TDRD3: variants seen among roughly 807,000 people sequenced by gnomAD.
The protein encoded by TDRD3 is tudor domain containing 3.
A neutral mutation model predicts 86.7 loss-of-function variants in TDRD3; 45 were observed. The observed-to-expected ratio is 0.52, with a 90% CI of 0.41 to 0.67. The LOEUF is 0.67. Ranked by LOEUF, TDRD3 falls within the 30% of genes least tolerant of loss-of-function variation. TDRD3 has a pLI of 0.00. For missense variants in TDRD3, 814 were observed against 889.0 expected (o/e 0.92, Z 1.07); for synonymous variants, 298 against 301.7 (o/e 0.99, Z 0.13).
chr13:60,429,855 G>A (rs1954910318), intron 1 of TDRD3, among the ~76,000 whole-genome samples: 1 of 139,474 alleles, frequency 7.2e-6, no homozygotes, highest in Non-Finnish European at 1.6e-5. Flanking sequence ...TTTCTCATTA[G>A]AATCCAGATT....
intron 6 of TDRD3, chr13:60,484,732 G>C: frequency 2.2e-6 from 1 of 454,656 alleles, no homozygotes; most frequent in Non-Finnish European, 4.4e-6. Flanking sequence ...AAAGTGTGAA[G>C]TCCTATGGTG....
intron 3 of TDRD3, among the ~76,000 whole-genome samples, chr13:60,459,426 T>G (rs2138047522): frequency 6.6e-6 from 1 of 152,352 alleles, no homozygotes; most frequent in East Asian, 1.9e-4. Flanking sequence ...TATCTTTGAT[T>G]GAAATTTGGC....
chr13:60,472,987 G>A (rs902043228), intron 5 of TDRD3, among the ~76,000 whole-genome samples: 2 of 152,150 alleles, frequency 1.3e-5, no homozygotes, highest in African/African-American at 4.8e-5. Flanking sequence ...TTTTGTTGTT[G>A]TTTTGCTTTT....
At chr13:60,459,878 C>T (rs1487227511) in intron 3 of TDRD3, among the ~76,000 whole-genome samples, 1 of 152,144 alleles carries the variant, frequency 6.6e-6, no homozygotes, top group East Asian at 1.9e-4. Context: ...GCCTCGGCCT[C>T]CCAAAGTGCT....
chr13:60,550,515 A>G (rs1958025458), intron 12 of TDRD3, among the ~76,000 whole-genome samples: 1 of 152,120 alleles, frequency 6.6e-6, no homozygotes, highest in South Asian at 2.1e-4. Context: ...TATAAAAATG[A>G]TGACTGTATT....
chr13:60,572,849 A>G (rs560760114), intron 13 of TDRD3, among the ~76,000 whole-genome samples: 180 of 152,164 alleles, frequency 1.2e-3, no homozygotes, highest in Non-Finnish European at 2.4e-3. Flanking sequence ...TCCAGCATCA[A>G]TGTCAGGAAA....
intron 1 of TDRD3, among the ~76,000 whole-genome samples, chr13:60,425,140 AAG>A (rs769126010): frequency 1.3e-5 from 2 of 152,192 alleles, no homozygotes; most frequent in Non-Finnish European, 2.9e-5. Context: ...AGAAATAACA[AAG>A]AGAAGTCATC....
intron 12 of TDRD3, among the ~76,000 whole-genome samples, chr13:60,556,533 AATAGATTGTAAGCATTTC>A (rs1027108467): frequency 3.3e-5 from 5 of 152,226 alleles, no homozygotes; most frequent in Admixed American, 2.0e-4. Context: ...TAGATCTGGG[AATAGATTGTAAGCATTTC>A]ATTTGATGGC....
At chr13:60,428,731 GA>G (rs1386152199) in intron 1 of TDRD3, among the ~76,000 whole-genome samples, 1 of 152,176 alleles carries the variant, frequency 6.6e-6, no homozygotes, top group African/African-American at 2.4e-5. Context: ...GGCCCACAGA[GA>G]AGACAGTGGT....
At chr13:60,486,293 T>A (rs1054011889) in intron 7 of TDRD3, among the ~76,000 whole-genome samples, 155 of 152,290 alleles carry the variant, frequency 1.0e-3, no homozygotes, top group East Asian at 1.9e-4. Flanking sequence ...TGCCACTTTT[T>A]TGGGGATAAT....
intron 7 of TDRD3, among the ~76,000 whole-genome samples, chr13:60,487,168 A>G (rs1446026445): frequency 6.6e-6 from 1 of 152,208 alleles, no homozygotes; most frequent in South Asian, 2.1e-4. Flanking sequence ...TTTATACCAT[A>G]TAAGGAATTA....
At chr13:60,549,816 A>G (rs899627318) in intron 12 of TDRD3, among the ~76,000 whole-genome samples, 1 of 152,094 alleles carries the variant, frequency 6.6e-6, no homozygotes, top group African/African-American at 2.4e-5. Flanking sequence ...CACACTTTTG[A>G]ATGAGAAAAA....
intron 10 of TDRD3, among the ~76,000 whole-genome samples, chr13:60,515,497 A>G (rs1002624507): frequency 1.3e-5 from 2 of 152,142 alleles, no homozygotes; most frequent in Non-Finnish European, 2.9e-5. Context: ...TATATGGAAG[A>G]TTATTTTGCC....
chr13:60,512,723 A>C (rs1182969316), intron 10 of TDRD3, among the ~76,000 whole-genome samples: 1 of 152,224 alleles, frequency 6.6e-6, no homozygotes, highest in East Asian at 1.9e-4. Context: ...CATGTCTCAC[A>C]TCTAGGTTAT....
At chr13:60,497,357 C>A (rs1283086583) in intron 8 of TDRD3, among the ~76,000 whole-genome samples, 1 of 152,174 alleles carries the variant, frequency 6.6e-6, no homozygotes, top group Non-Finnish European at 1.5e-5. Flanking sequence ...TGTCCCTCCC[C>A]CTGTGCTCTC....
intron 5 of TDRD3, among the ~76,000 whole-genome samples, chr13:60,483,075 T>C (rs997969529): frequency 1.1e-4 from 17 of 152,068 alleles, no homozygotes; most frequent in African/African-American, 4.1e-4. Flanking sequence ...ATGTGAGAAA[T>C]TGCTTTTGCC....
chr13:60,529,220 A>G lies in TDRD3; in HGVS notation c.1992+3A>G. ...CACTTTATTGGGAAGACAACAAGGTATGGATGCTTTAAAGATATTATACAC... is the reference window on the plus strand; with the variant it reads ...CACTTTATTGGGAAGACAACAAGGTGTGGATGCTTTAAAGATATTATACAC... On this transcript the variant is annotated splice_donor_region_variant and intron_variant, in intron 11 of 13. Coordinates refer to ENST00000377881, the MANE Select transcript of TDRD3 (RefSeq NM_001146070.2). 6.3e-7 allele frequency: 1 copy of G among 1,579,152 alleles called. No homozygotes were observed. The highest frequency in any genetic ancestry group is 1.2e-5 in the South Asian group (1 of 84,506).
At chr13:60,549,247 T>C (rs1282726744) in intron 12 of TDRD3, among the ~76,000 whole-genome samples, 2 of 152,120 alleles carry the variant, frequency 1.3e-5, no homozygotes, top group East Asian at 3.8e-4. Flanking sequence ...AATAGAAACA[T>C]GTTGTGACAG....
chr13:60,530,447 A>C (rs2137791515), intron 11 of TDRD3, among the ~76,000 whole-genome samples: 1 of 149,904 alleles, frequency 6.7e-6, no homozygotes, highest in African/African-American at 2.4e-5. Flanking sequence ...ATTTTAAATA[A>C]TTTTTTTTTT....
Sources: allele counts gnomAD v4.1 joint callset (sites outside exome capture counted in the v4.1 genomes callset), GRCh38; gene constraint gnomAD v4.1.1; transcripts MANE v1.5; gene names NCBI Gene and HGNC (gene_info 2026-07-23, HGNC 2026-07-21).